BMERB1: variants seen among roughly 807,000 people sequenced by gnomAD.
The protein encoded by BMERB1 is bMERB domain-containing protein 1.
In BMERB1, 12 loss-of-function variants were observed where a neutral mutation model predicts 23.6. The observed-to-expected ratio is 0.51, with a 90% CI of 0.33 to 0.82. The LOEUF (loss-of-function observed/expected upper bound fraction) is 0.82. BMERB1 is among the 40% of genes least tolerant of loss of function. The probability of loss-of-function intolerance (pLI) is 0.03; values close to 1 mark genes in which losing one functional copy is unlikely to be tolerated. For missense variants in BMERB1, 247 were observed against 255.4 expected (o/e 0.97, Z 0.22); for synonymous variants, 122 against 96.6 (o/e 1.26, Z -1.54).
intron 4 of BMERB1, among the ~76,000 whole-genome samples, chr16:15,582,315 C>A (rs186267421): frequency 2.6e-5 from 4 of 152,310 alleles, no homozygotes; most frequent in Admixed American, 6.5e-5. Flanking sequence ...AGGAAACAAT[C>A]ATTTGAACCC....
intron 1 of BMERB1, among the ~76,000 whole-genome samples, chr16:15,469,874 A>T (rs2051214520): frequency 1.3e-5 from 2 of 152,122 alleles, no homozygotes; most frequent in Admixed American, 6.5e-5. Context: ...ATTAGCTCTA[A>T]TAGTTTTTTG....
intron 3 of BMERB1, among the ~76,000 whole-genome samples, chr16:15,576,593 G>C (rs2099592096): frequency 6.6e-6 from 1 of 152,114 alleles, no homozygotes; most frequent in African/African-American, 2.4e-5. Context: ...GTGCAAACTG[G>C]ATGGCTTAAG....
chr16:15,498,293 T>C (rs751487272), intron 1 of BMERB1, among the ~76,000 whole-genome samples: 8 of 152,022 alleles, frequency 5.3e-5, no homozygotes, highest in Non-Finnish European at 1.2e-4. Flanking sequence ...TCCCATCAGC[T>C]TGGGGGTCTG....
chr16:15,542,825 T>C (rs1286031686), intron 2 of BMERB1, among the ~76,000 whole-genome samples: 1 of 152,204 alleles, frequency 6.6e-6, no homozygotes, highest in Non-Finnish European at 1.5e-5. Flanking sequence ...ATCAAACCCC[T>C]TGCAGGAGGG....
intron 1 of BMERB1, among the ~76,000 whole-genome samples, chr16:15,436,680 G>T (rs2050891103): frequency 6.6e-6 from 1 of 150,858 alleles, no homozygotes; most frequent in Admixed American, 6.7e-5. Context: ...CCATCTCTGT[G>T]TCCCCCCATC....
At chr16:15,448,417 C>T (rs1000077138) in intron 1 of BMERB1, among the ~76,000 whole-genome samples, 6 of 152,116 alleles carry the variant, frequency 3.9e-5, no homozygotes, top group Non-Finnish European at 8.8e-5. Flanking sequence ...TATTATGTCT[C>T]AGAAGGAAAG....
At chr16:15,475,316 GT>G (rs1385217283) in intron 1 of BMERB1, among the ~76,000 whole-genome samples, 1 of 152,156 alleles carries the variant, frequency 6.6e-6, no homozygotes, top group Non-Finnish European at 1.5e-5. Flanking sequence ...CTTGCACAAA[GT>G]CAGAGGACAG....
intron 3 of BMERB1, among the ~76,000 whole-genome samples, chr16:15,576,125 G>A (rs531419825): frequency 4.7e-5 from 7 of 150,136 alleles, no homozygotes; most frequent in African/African-American, 1.5e-4. Context: ...TGCAGTCTCC[G>A]CCTCCGGGGT....
intron 1 of BMERB1, among the ~76,000 whole-genome samples, chr16:15,499,556 C>G (rs1045621278): frequency 1.3e-5 from 2 of 152,148 alleles, no homozygotes; most frequent in South Asian, 4.1e-4. Flanking sequence ...CTACAATCAG[C>G]CAGTTCTGCA....
At chr16:15,515,506 C>T (rs2051739301) in intron 2 of BMERB1, 78 bp downstream of exon 2, 4 of 1,530,270 alleles carry the variant, frequency 2.6e-6, no homozygotes, top group East Asian at 4.7e-5. Flanking sequence ...TGATCGTCTA[C>T]TGTGTGCCAG....
chr16:15,460,856 C>T (rs1310531209), intron 1 of BMERB1, among the ~76,000 whole-genome samples: 1 of 152,124 alleles, frequency 6.6e-6, no homozygotes, highest in African/African-American at 2.4e-5. Context: ...AGGCTGGGCG[C>T]AGTGGCTCAC....
At chr16:15,508,169 T>C (rs1408119129) in intron 1 of BMERB1, among the ~76,000 whole-genome samples, 1 of 152,142 alleles carries the variant, frequency 6.6e-6, no homozygotes, top group Non-Finnish European at 1.5e-5. Context: ...CAGGGCTGTT[T>C]TGAGAATCAG....
intron 1 of BMERB1, among the ~76,000 whole-genome samples, chr16:15,436,443 G>C (rs2050888869): frequency 2.0e-5 from 3 of 151,932 alleles, no homozygotes; most frequent in African/African-American, 2.4e-5. Context: ...ATTTTTAGTA[G>C]AGATGGGGTT....
At chr16:15,553,642 A>T (rs959697304) in intron 2 of BMERB1, among the ~76,000 whole-genome samples, 4 of 152,252 alleles carry the variant, frequency 2.6e-5, no homozygotes, top group African/African-American at 9.6e-5. Context: ...ATTTTCATTT[A>T]TCAGAAAATG....
chr16:15,580,203 C>CTTGGTT (rs201647463), intron 3 of BMERB1, among the ~76,000 whole-genome samples: 31 of 151,614 alleles, frequency 2.0e-4, no homozygotes, highest in African/African-American at 7.0e-4. Flanking sequence ...CTCAAGAGAT[C>CTTGGTT]CACCCACCTC....
At chr16:15,558,180 C>T (rs773456237) in intron 2 of BMERB1, among the ~76,000 whole-genome samples, 13 of 152,114 alleles carry the variant, frequency 8.5e-5, no homozygotes, top group Non-Finnish European at 1.3e-4. Flanking sequence ...GAACCTGTCC[C>T]CTTCTGCCCA....
At chr16:15,520,315 C>T (rs566733830) in intron 2 of BMERB1, among the ~76,000 whole-genome samples, 1 of 152,104 alleles carries the variant, frequency 6.6e-6, no homozygotes, top group South Asian at 2.1e-4. Flanking sequence ...TTTTACAACG[C>T]AAGGACAAAC....
intron 3 of BMERB1, among the ~76,000 whole-genome samples, chr16:15,579,519 G>GA (rs1469454412): frequency 1.3e-5 from 2 of 152,152 alleles, no homozygotes; most frequent in Non-Finnish European, 2.9e-5. Flanking sequence ...TCCAGATCCA[G>GA]AAAAAATGAT....
rs574121470 is a variant in BMERB1 at position 15,503,916 on chromosome 16, TTGTC to T, written c.107-11385_107-11382del. Among the ~76,000 whole-genome samples the T allele has an allele frequency of 3.3e-5, 5 of 152,308 alleles. No individual in the cohort carries two copies. In the East Asian group the frequency reaches 9.6e-4, roughly 29 times the overall value. Reference sequence around the variant, plus strand: ...CTCAGGTCCACAAGGGCAGAGATTTTTGTCTGTTTTGCTCATTGCTCCTTCCCCA... The same window carrying T: ...CTCAGGTCCACAAGGGCAGAGATTTTTGTTTTGCTCATTGCTCCTTCCCCA... On this transcript the variant is annotated intron_variant, in intron 1 of 5. Transcript: ENST00000300006.
Sources: gnomAD v4.1 joint callset for allele counts (sites outside exome capture counted in the v4.1 genomes callset) on GRCh38, gnomAD v4.1.1 for gene constraint, MANE v1.5 for transcripts, NCBI Gene and HGNC (gene_info 2026-07-23, HGNC 2026-07-21) for gene names.